NME3: variants seen among roughly 807,000 people sequenced by gnomAD.
The protein encoded by NME3 is NME/NM23 nucleoside diphosphate kinase 3.
NME3 carries 23 observed loss-of-function variants against 15.8 expected under a neutral mutation model. The ratio of observed to expected loss-of-function variants is 1.45; its 90% CI spans 1.05 to 2.06. The LOEUF is 2.06. Ranked by LOEUF, NME3 falls within the 30% of genes most tolerant of loss-of-function variation. The pLI is 0.00. For missense variants in NME3, 354 were observed against 243.2 expected (o/e 1.46, Z -3.03); for synonymous variants, 157 against 104.4 (o/e 1.50, Z -3.07).
In NME3 at chr16:1,770,931, G is replaced by A; in HGVS notation, c.342C>T (p.Ala114=). ...CGCGGATGGTGCCGGGCGGGGCGTC[G>A]GCCGGGTTCGTGGCTCCGATGAGCG... ...SRALIGATNP[A]DAPPGTIRGD... is the part of the protein sequence containing the mutation. Residue 114 remains alanine, a synonymous_variant, in exon 4 of 5, where the codon GCC becomes GCT. Coordinates refer to ENST00000219302, the MANE Select transcript of NME3 (RefSeq NM_002513.3). 2 of 1,587,730 alleles carry A rather than the reference G, an allele frequency of 1.3e-6. No homozygotes were observed. Among genetic ancestry groups the A allele is most frequent in the South Asian group, 2.2e-5 (2 of 89,090 alleles).
At position 1,770,509 on chromosome 16, in the gene NME3, T is replaced by C. The variant is rs2042557496; in HGVS notation, c.*140A>G. On this transcript the variant is annotated 3_prime_UTR_variant, in exon 5 of 5. Coordinates refer to ENST00000219302, the MANE Select transcript of NME3 (RefSeq NM_002513.3). ...TTGGAGAGGCCTGCGCCACCCTCCA[T>C]GCAACGTCCAGACAGGTGGATGTTC... 1.6e-6 allele frequency: 1 copy of C among 637,680 alleles called. No individual in the cohort carries two copies. Among genetic ancestry groups the C allele is most frequent in the East Asian group, 3.0e-5 (1 of 33,246 alleles). 39.5% of individuals were successfully genotyped at this position (637,680 alleles called of 1,614,324 possible).
chr16:1,771,480 G>C lies in NME3; in HGVS notation c.46+9C>G. 2 of 1,323,730 alleles carry C rather than the reference G, an allele frequency of 1.5e-6. No individual in the cohort carries two copies. Among genetic ancestry groups the C allele is most frequent in the Non-Finnish European group, 1.9e-6 (2 of 1,040,694 alleles). The allele number at this position is 1,323,730 out of a possible 1,614,324, so 82.0% of individuals were successfully genotyped here. On this transcript the variant is annotated intron_variant, in intron 1 of 4. Coordinates refer to ENST00000219302, the MANE Select transcript of NME3 (RefSeq NM_002513.3). Reference sequence around the variant, plus strand: ...GCCACCCGCCCCCGGCCCGCGCCGCGCGGCTCACCCGCGGGGAAGAGGTTA... The same window carrying C: ...GCCACCCGCCCCCGGCCCGCGCCGCCCGGCTCACCCGCGGGGAAGAGGTTA...
In NME3 at chr16:1,771,394, G is replaced by A. The variant is rs2042598297; in HGVS notation, c.63C>T (p.His21=). Residue 21 remains histidine (H), a synonymous_variant, in exon 2 of 5, where the codon CAC becomes CAT. Transcript: ENST00000219302. ...GCTTCACGGCCAGGAAGGTGCGTTC[G>A]TGTGCGCCGGTGCAGGCTGCGGGGC... ...NLFPAACTGA[H]ERTFLAVKPD... The A allele has an allele frequency of 6.5e-7, 1 of 1,547,320 alleles. No individual in the cohort carries two copies. Among genetic ancestry groups the A allele is most frequent in the South Asian group, 1.2e-5 (1 of 84,182 alleles).
chr16:1,771,374 A>G lies in NME3; in HGVS notation c.83T>C (p.Val28Ala). Residue 28 changes from valine to alanine, a missense_variant, in exon 2 of 5, where the codon GTG becomes GCG. Coordinates refer to ENST00000219302, the MANE Select transcript of NME3 (RefSeq NM_002513.3). ...CCGCCGCTGCACGCCGTCCGGCTTC[A>G]CGGCCAGGAAGGTGCGTTCGTGTGC... ...TGAHERTFLA[V>A]KPDGVQRRLV... is the part of the protein sequence containing the mutation. 1 of 1,570,144 alleles carries G rather than the reference A, an allele frequency of 6.4e-7. No homozygotes were observed. Among genetic ancestry groups the G allele is most frequent in the South Asian group, 1.2e-5 (1 of 85,966 alleles).
In NME3 at chr16:1,771,150, C is replaced by A. The variant is rs769833267; in HGVS notation, c.199G>T (p.Glu67Ter). The A allele has an allele frequency of 6.2e-7, 1 of 1,606,134 alleles. No homozygotes were observed. The highest frequency in any genetic ancestry group is 8.5e-7 in the Non-Finnish European group (1 of 1,178,382). Residue 67 changes from glutamate (E) to a stop codon, truncating the protein, a stop_gained, in exon 3 of 5, where the codon GAG becomes TAG. Coordinates refer to ENST00000219302, the MANE Select transcript of NME3 (RefSeq NM_002513.3). LOFTEE classifies it high-confidence loss of function. ...LVQASEELLREHYAELRERPF... is the reference protein window; with the variant it reads ...LVQASEELLR ...CGTTCACGCAGCTCGGCGTAGTGCT[C>A]ACGCAGCAGCTCCTCGGAGGCCTGC...
At position 1,771,374 on chromosome 16, in the gene NME3, A is replaced by C; in HGVS notation, c.83T>G (p.Val28Gly). Residue 28 changes from valine (V) to glycine (G), a missense_variant, in exon 2 of 5, where the codon GTG becomes GGG. Transcript: ENST00000219302. ...TGAHERTFLA[V>G]KPDGVQRRLV... ...CCGCCGCTGCACGCCGTCCGGCTTC[A>C]CGGCCAGGAAGGTGCGTTCGTGTGC... The C allele has an allele frequency of 6.4e-7, 1 of 1,570,144 alleles. No homozygotes were observed. Among genetic ancestry groups the C allele is most frequent in the Non-Finnish European group, 8.6e-7 (1 of 1,159,258 alleles).
chr16:1,770,824 C>G, intron 4 of NME3, 57 bp downstream of exon 4: 2 of 1,576,676 alleles, frequency 1.3e-6, no homozygotes, highest in Admixed American at 1.7e-5. Flanking sequence ...GGGTACCACG[C>G]AGGCTGAACA....
Position 1,770,442 on chromosome 16 carries a change from C to T in NME3, c.*207G>A. 2.1e-6 allele frequency: 1 copy of T among 470,720 alleles called. No individual in the cohort carries two copies. Among genetic ancestry groups the T allele is most frequent in the Non-Finnish European group, 3.7e-6 (1 of 267,562 alleles). The allele number at this position is 470,720 out of a possible 1,614,324, so 29.2% of individuals were successfully genotyped here. On this transcript the variant is annotated 3_prime_UTR_variant, in exon 5 of 5. Transcript: ENST00000219302. ...CGTTTCCAGGCGAGCCGCGCAGGCT[C>T]CTGGAGCAGCTCCTCGGGCAGGAAA...
At position 1,770,693 on chromosome 16, in the gene NME3, G is replaced by C. The variant is rs990633119; in HGVS notation, c.466C>G (p.Leu156Val). The C allele has an allele frequency of 9.5e-6, 15 of 1,584,778 alleles. No individual in the cohort carries two copies. The highest frequency in any genetic ancestry group is 1.3e-5 in the Non-Finnish European group (15 of 1,166,520). ...CCAGCGCTGTCCTCCCAGCAGAGGA[G>C]CTCGTCTGCGCGGAACCAGAGAGCG... Reference protein sequence around the residue: ...EIALWFRADELLCWEDSAGHW... With the variant: ...EIALWFRADEVLCWEDSAGHW... Residue 156 changes from leucine to valine, a missense_variant, in exon 5 of 5, where the codon CTC becomes GTC. Leu to Val is a conservative substitution (Grantham distance 32). Coordinates refer to ENST00000219302, the MANE Select transcript of NME3 (RefSeq NM_002513.3).
chr16:1,770,869 G>A lies in NME3; in HGVS notation c.392+12C>T, dbSNP rs2042577290. ...CGGACGGGGCTGGGACCGTCCCCGG[G>A]GCGGGCCTTACTTGCCAACCTCGAT... is the stretch of plus-strand genomic sequence containing the variant. On this transcript the variant is annotated intron_variant, in intron 4 of 4. Coordinates refer to ENST00000219302, the MANE Select transcript of NME3 (RefSeq NM_002513.3). The A allele has an allele frequency of 3.2e-6, 5 of 1,567,428 alleles. No individual in the cohort carries two copies. The highest frequency in any genetic ancestry group is 4.3e-6 in the Non-Finnish European group (5 of 1,152,218).
intron 2 of NME3, 26 bp downstream of exon 2, chr16:1,771,254 C>A: frequency 6.3e-7 from 1 of 1,586,614 alleles, no homozygotes; most frequent in East Asian, 2.3e-5. Context: ...CCACACCGCG[C>A]CCCCGCTCGC....
chr16:1,770,637 G>A lies in NME3; in HGVS notation c.*12C>T, dbSNP rs760223464. On this transcript the variant is annotated 3_prime_UTR_variant, in exon 5 of 5. Transcript: ENST00000219302. ...TGGAGTGTGAGAGCCTCTGTGACGC[G>A]CATCTGCCGGGCTACTCATACAGCC... 3 of 1,556,832 alleles carry A rather than the reference G, an allele frequency of 1.9e-6. No individual in the cohort carries two copies. Among genetic ancestry groups the A allele is most frequent in the East Asian group, 2.3e-5 (1 of 42,930 alleles).
At chr16:1,771,239 T>TCC (rs1359364779) in intron 2 of NME3, 41 bp downstream of exon 2, 11 of 1,495,352 alleles carry the variant, frequency 7.4e-6, no homozygotes, top group Non-Finnish European at 1.0e-5. Context: ...CCGCTCCCCT[T>TCC]CCCCCCACAC....
chr16:1,771,129 C>G lies in NME3; in HGVS notation c.220G>C (p.Glu74Gln). The change falls in exon 3 of 5, where the codon GAA (glutamate) becomes CAA (glutamine). Residue 74 changes from glutamate to glutamine, a missense_variant. Transcript: ENST00000219302. ...LLREHYAELRERPFYGRLVKY... is the reference protein window; with the variant it reads ...LLREHYAELRQRPFYGRLVKY... ...ACAAGGCGGCCGTAGAACGGGCGTT[C>G]ACGCAGCTCGGCGTAGTGCTCACGC... is the stretch of plus-strand genomic sequence containing the variant. The G allele has an allele frequency of 6.2e-7, 1 of 1,608,960 alleles. No individual in the cohort carries two copies. The highest frequency in any genetic ancestry group is 1.7e-4 in the Middle Eastern group (1 of 5,966).
In NME3 at chr16:1,770,750, T is replaced by C. The variant is rs770466537; in HGVS notation, c.409A>G (p.Ser137Gly). The change falls in exon 5 of 5, where the codon AGC (serine) becomes GGC (glycine). Residue 137 changes from serine to glycine, a missense_variant. Physicochemically the swap from Ser to Gly is moderately conservative, Grantham distance 56. Coordinates refer to ENST00000219302, the MANE Select transcript of NME3 (RefSeq NM_002513.3). ...IEVGKNLIHG[S>G]DSVESARREI... is the part of the protein sequence containing the mutation. The stretch of plus-strand genomic sequence containing the variant: ...CGGCGGGCACTCTCCACCGAGTCGC[T>C]GCCGTGAATCAGGTTCCTGCGCGGA... The C allele has an allele frequency of 6.2e-7, 1 of 1,600,688 alleles. No homozygotes were observed.
At position 1,770,949 on chromosome 16, in the gene NME3, G is replaced by GC. The variant is rs772615523; in HGVS notation, c.323_324insG (p.Ile108MetfsTer62). 5.7e-6 allele frequency: 9 copies of GC among 1,586,876 alleles called. No homozygotes were observed. The South Asian group carries it at 1.0e-4, about 18-fold the overall frequency. On this transcript the variant is annotated frameshift_variant, in exon 4 of 5. Transcript: ENST00000219302. LOFTEE classifies it high-confidence loss of function. ...GGGCGTCGGCCGGGTTCGTGGCTCC[G>GC]ATGAGCGCCCGCGAGGTGCGCACCA...
At position 1,771,340 on chromosome 16, in the gene NME3, G is replaced by T. The variant is rs756925239; in HGVS notation, c.117C>A (p.Gly39=). The T allele has an allele frequency of 5.6e-6, 9 of 1,596,392 alleles. No homozygotes were observed. In the South Asian group the frequency reaches 7.9e-5, roughly 14 times the overall value. The change falls in exon 2 of 5, where the codon GGC becomes GGA. Residue 39 remains glycine (G), a synonymous_variant. Coordinates refer to ENST00000219302, the MANE Select transcript of NME3 (RefSeq NM_002513.3). The part of the protein sequence containing the change: ...KPDGVQRRLV[G]EIVRRFERKG... ...TCCTCTCGAAGCGCCGCACAATCTC[G>T]CCCACCAGCCGCCGCTGCACGCCGT...
chr16:1,770,972 C>A lies in NME3; in HGVS notation c.301G>T (p.Val101Leu). The A allele has an allele frequency of 1.3e-6, 2 of 1,584,324 alleles. No homozygotes were observed. The highest frequency in any genetic ancestry group is 1.7e-6 in the Non-Finnish European group (2 of 1,160,592). ...VAMVWQGLDV[V>L]RTSRALIGAT... The stretch of plus-strand genomic sequence containing the variant: ...CCGATGAGCGCCCGCGAGGTGCGCA[C>A]CACGTCCAGCCCCTGCCATACCTGT... Residue 101 changes from valine to leucine, a missense_variant, in exon 4 of 5, where the codon GTG becomes TTG. By Grantham distance (32) the Val-to-Leu change is conservative. Transcript: ENST00000219302.
In NME3 at chr16:1,771,529, G is replaced by C. The variant is rs1053984931; in HGVS notation, c.6C>G (p.Ile2Met). Residue 2 changes from isoleucine (I) to methionine (M), a missense_variant, in exon 1 of 5, where the codon ATC becomes ATG. Ile to Met is a conservative substitution (Grantham distance 10). Coordinates refer to ENST00000219302, the MANE Select transcript of NME3 (RefSeq NM_002513.3). M[I>M]CLVLTIFANL... ...TAGCGAAGATGGTCAGCACCAGGCA[G>C]ATCATGATGGCGGTGCGGGAGCGGG... 14 of 1,180,292 alleles carry C rather than the reference G, an allele frequency of 1.2e-5. No homozygotes were observed. The highest frequency in any genetic ancestry group is 1.6e-5 in the African/African-American group (1 of 62,386). 73.1% of individuals were successfully genotyped at this position (1,180,292 alleles called of 1,614,324 possible). A position where few individuals can be genotyped will look rare whatever the true frequency, so the allele number is the denominator to read the frequency against.
Sources: allele counts gnomAD v4.1 joint callset, GRCh38; gene constraint gnomAD v4.1.1; transcripts MANE v1.5; gene names NCBI Gene and HGNC (gene_info 2026-07-23, HGNC 2026-07-21).